ZNF677: variants seen among roughly 807,000 people sequenced by gnomAD.
The protein encoded by ZNF677 is zinc finger protein 677.
In ZNF677, 5 loss-of-function variants were observed where a neutral mutation model predicts 8.1. The observed-to-expected ratio is 0.62, with a 90% CI of 0.32 to 1.29. The LOEUF is 1.29. Among genes scored for constraint, ZNF677 ranks in the 50% most tolerant of loss-of-function variants. The pLI, the probability that ZNF677 is intolerant of heterozygous loss-of-function variation, is 0.05. For synonymous variants in ZNF677, 221 were observed against 225.6 expected, an observed-to-expected ratio of 0.98 and a Z score of 0.18; for missense variants, 685 against 685.9, an observed-to-expected ratio of 1.00 and a Z score of 0.01.
chr19:53,247,518 G>A (rs1427940144), intron 3 of ZNF677, among the ~76,000 whole-genome samples: 5 of 152,156 alleles, frequency 3.3e-5, no homozygotes. Flanking sequence ...GGTTTAAAGT[G>A]TTGCTCAAGC....
rs369553139 is a variant in ZNF677, at chr19:53,237,480, G to T, written c.1247C>A (p.Ser416Ter). Residue 416 changes from serine to a stop codon, truncating the protein, a stop_gained, in exon 5 of 5, where the codon TCA becomes TAA. Transcript: ENST00000598513. LOFTEE classifies it low-confidence loss of function (END_TRUNC). ...NECGKAFKQC[S>*]HLTRHQNIHP... ...TATATTCTGATGCCTAGTGAGATGT[G>T]AGCACTGCTTAAAAGCTTTGCCACA... The T allele has an allele frequency of 6.2e-7, 1 of 1,613,632 alleles. No homozygotes were observed. Among genetic ancestry groups the T allele is most frequent in the African/African-American group, 1.3e-5 (1 of 74,870 alleles).
chr19:53,235,827 A>G lies in ZNF677; in HGVS notation c.*1145T>C, dbSNP rs558267873. The stretch of plus-strand genomic sequence containing the variant: ...CTAAGGGGTCCTGACCACATAAAGC[A>G]TATATGTTAGACAATAGTTTTACCT... On this transcript the variant is annotated 3_prime_UTR_variant, in exon 5 of 5. Coordinates refer to ENST00000598513, the MANE Select transcript of ZNF677 (RefSeq NM_182609.4). 2.0e-5 allele frequency: 3 copies of G among 152,242 alleles called. No individual in the cohort carries two copies. The highest frequency in any genetic ancestry group is 4.4e-5 in the Non-Finnish European group (3 of 68,088). 9.4% of individuals were successfully genotyped at this position (152,242 alleles called of 1,614,324 possible).
At position 53,238,226 on chromosome 19, in the gene ZNF677, CCTTATAAATGG is replaced by C. The variant is rs1568689187; in HGVS notation, c.490_500del (p.Pro164GlufsTer8). 4 of 1,613,940 alleles carry C rather than the reference CCTTATAAATGG, an allele frequency of 2.5e-6. No homozygotes were observed. The highest frequency in any genetic ancestry group is 3.4e-6 in the Non-Finnish European group (4 of 1,179,932). Reference sequence around the variant, plus strand: ...TGTTATTTTTCAGTTTTAACAAATTCCTTATAAATGGCTTGTCATGGATGAAATACTGGTGT... The same window carrying C: ...TGTTATTTTTCAGTTTTAACAAATTCCTTGTCATGGATGAAATACTGGTGT... On this transcript the variant is annotated frameshift_variant, in exon 5 of 5. Transcript: ENST00000598513. LOFTEE classifies it low-confidence loss of function (END_TRUNC).
intron 4 of ZNF677, chr19:53,241,869 T>C (rs1306946432): frequency 2.5e-6 from 1 of 398,440 alleles, no homozygotes; most frequent in Admixed American, 4.4e-5. Context: ...CCATCGCCTA[T>C]TGGTGGGTTA....
chr19:53,238,716 C>T (rs1332198281), intron 4 of ZNF677, 159 bp from the exon 5 acceptor site: 1 of 601,266 alleles, frequency 1.7e-6, no homozygotes, highest in East Asian at 3.1e-5. Flanking sequence ...AAGGGACTAG[C>T]TGTCCTCAAT....
chr19:53,238,188 C>G lies in ZNF677; in HGVS notation c.539G>C (p.Gly180Ala). 1 of 1,613,398 alleles carries G rather than the reference C, an allele frequency of 6.2e-7. No homozygotes were observed. Among genetic ancestry groups the G allele is most frequent in the South Asian group, 1.1e-5 (1 of 90,892 alleles). The change falls in exon 5 of 5, where the codon GGA (glycine) becomes GCA (alanine). Residue 180 changes from glycine to alanine, a missense_variant. Coordinates refer to ENST00000598513, the MANE Select transcript of ZNF677 (RefSeq NM_182609.4). ...LKLKNNIRYA[G>A]NKYVKCFENK... ...TTCAAAACACTTCACGTATTTGTTT[C>G]CGGCATACCTTATGTTATTTTTCAG... is the stretch of plus-strand genomic sequence containing the variant.
rs761335006 is a variant in ZNF677 at position 53,238,298 on chromosome 19, G to A, written c.429C>T (p.Phe143=). 6.2e-7 allele frequency: 1 copy of A among 1,613,712 alleles called. No individual in the cohort carries two copies. The highest frequency in any genetic ancestry group is 1.3e-5 in the African/African-American group (1 of 74,916). Residue 143 remains phenylalanine, a synonymous_variant, in exon 5 of 5, where the codon TTC becomes TTT. Coordinates refer to ENST00000598513, the MANE Select transcript of ZNF677 (RefSeq NM_182609.4). ...TTATAGAAACACTCTGCTTTAAAGAGAAATGTATTGAGGATTTATTATGTT... is the reference window on the plus strand; with the variant it reads ...TTATAGAAACACTCTGCTTTAAAGAAAAATGTATTGAGGATTTATTATGTT... ...DQQHNKSSIH[F]SLKQSVSIRD...
intron 3 of ZNF677, among the ~76,000 whole-genome samples, chr19:53,244,649 A>G (rs1377713162): frequency 6.6e-6 from 1 of 152,352 alleles, no homozygotes; most frequent in East Asian, 1.9e-4. Context: ...GAACTTAGAA[A>G]ATTAATACTA....
chr19:53,240,483 T>G (rs2091032339), intron 4 of ZNF677: 1 of 152,212 alleles, frequency 6.6e-6, no homozygotes, highest in Non-Finnish European at 1.5e-5. Context: ...CCTGACCTCG[T>G]GATCCGCCGG....
intron 2 of ZNF677, 23 bp from the exon 3 acceptor site, chr19:53,251,628 T>A: frequency 6.3e-7 from 1 of 1,587,040 alleles, no homozygotes; most frequent in East Asian, 2.2e-5. Context: ...AATATGTTGT[T>A]TAATGCTTAA....
chr19:53,246,292 T>C (rs1392511144), intron 3 of ZNF677, among the ~76,000 whole-genome samples: 3 of 119,570 alleles, frequency 2.5e-5, no homozygotes, highest in African/African-American at 1.1e-4. Flanking sequence ...CACTCCAGCC[T>C]GGGTGACAGA....
chr19:53,249,323 A>C (rs2091196901), intron 3 of ZNF677: 1 of 152,144 alleles, frequency 6.6e-6, no homozygotes, highest in Non-Finnish European at 1.5e-5. Context: ...AAATTGCCCA[A>C]CCTGGAGGAA....
chr19:53,244,936 A>G (rs976518457), intron 3 of ZNF677, among the ~76,000 whole-genome samples: 6 of 152,212 alleles, frequency 3.9e-5, no homozygotes, highest in Non-Finnish European at 4.4e-5. Context: ...AAAGCCCAGA[A>G]ATAAACTCAC....
At chr19:53,239,654 G>T (rs1372604043) in intron 4 of ZNF677, 1 of 146,562 alleles carries the variant, frequency 6.8e-6, no homozygotes. Context: ...GAAGGCAAAG[G>T]TCAATCTCAT....
Position 53,236,972 on chromosome 19 carries a change from CT to C in ZNF677, c.1754del (p.Ter585CysfsTer28). The C allele has an allele frequency of 6.5e-7, 1 of 1,536,944 alleles. No homozygotes were observed. Among genetic ancestry groups the C allele is most frequent in the South Asian group, 1.3e-5 (1 of 74,700 alleles). ...TCTTTTCACAATGGAGCCCCTGATG[CT>C]AGGTACAGCTTGAATACTTAATTTT... is the stretch of plus-strand genomic sequence containing the variant. The part of the protein sequence containing the change: ...ETKIKYSSCT[*>X] On this transcript the variant is annotated frameshift_variant and stop_lost, in exon 5 of 5. Transcript: ENST00000598513. LOFTEE classifies it high-confidence loss of function.
At chr19:53,244,628 C>T (rs78283643) in intron 3 of ZNF677, among the ~76,000 whole-genome samples, 2,137 of 152,252 alleles carry the variant, frequency 0.014, 61 homozygotes, top group African/African-American at 0.049. Flanking sequence ...GGAAAGATAT[C>T]CTATGTTCAA....
chr19:53,236,386 GAATA>G lies in ZNF677; in HGVS notation c.*582_*585del, dbSNP rs1428754690. The G allele has an allele frequency of 6.6e-6, 1 of 152,084 alleles. No homozygotes were observed. The highest frequency in any genetic ancestry group is 2.4e-5 in the African/African-American group (1 of 41,410). The allele number at this position is 152,084 out of a possible 1,614,324, so 9.4% of individuals were successfully genotyped here. A position where few individuals can be genotyped will look rare whatever the true frequency, so the allele number is the denominator to read the frequency against. On this transcript the variant is annotated 3_prime_UTR_variant, in exon 5 of 5. Transcript: ENST00000598513. ...ATACTTTTAAAAATATGAAATAACTGAATAAAAAATTTTTAACACTGAAGTTACA... is the reference window on the plus strand; with the variant it reads ...ATACTTTTAAAAATATGAAATAACTGAAAAATTTTTAACACTGAAGTTACA...
intron 3 of ZNF677, among the ~76,000 whole-genome samples, chr19:53,244,902 CACAAA>C (rs957872057): frequency 7.2e-5 from 11 of 152,072 alleles, no homozygotes; most frequent in African/African-American, 2.4e-4. Context: ...AAAATAGACA[CACAAA>C]ACAAAAGTAC....
In ZNF677 at chr19:53,250,985, A is replaced by G. The variant is rs193215779; in HGVS notation, c.15+551T>C. 3.0e-3 allele frequency among the ~76,000 whole-genome samples: 451 copies of G among 152,302 alleles called. 2 individuals carry two copies. The highest frequency in any genetic ancestry group is 0.01 in the African/African-American group (432 of 41,556). ...ATTTTAAAACCAATTATGAAAAAAGACTACCTTCTCCATCCCCAATGTCTA... is the reference window on the plus strand; with the variant it reads ...ATTTTAAAACCAATTATGAAAAAAGGCTACCTTCTCCATCCCCAATGTCTA... On this transcript the variant is annotated intron_variant, in intron 3 of 4. Transcript: ENST00000598513.
Sources: allele counts gnomAD v4.1 joint callset (sites outside exome capture counted in the v4.1 genomes callset), GRCh38; gene constraint gnomAD v4.1.1; transcripts MANE v1.5; gene names NCBI Gene and HGNC (gene_info 2026-07-23, HGNC 2026-07-21).